TUSC3: variants seen among roughly 807,000 people sequenced by gnomAD.
TUSC3 encodes tumor suppressor candidate 3.
A neutral mutation model predicts 44.8 loss-of-function variants in TUSC3; 45 were observed. The observed-to-expected ratio is 1.00, with a 90% CI of 0.79 to 1.29. The LOEUF is 1.29. Among genes scored for constraint, TUSC3 ranks in the 50% most tolerant of loss-of-function variants. TUSC3 has a pLI of 0.00. For synonymous variants in TUSC3, 212 were observed against 152.9 expected (o/e 1.39, Z -2.85); for missense variants, 519 against 437.9 (o/e 1.19, Z -1.65).
chr8:15,531,317 A>G (rs903586655), intron 2 of TUSC3, among the ~76,000 whole-genome samples: 4 of 152,110 alleles, frequency 2.6e-5, no homozygotes, highest in Non-Finnish European at 5.9e-5. Context: ...CTGGAGTACA[A>G]TGGTGGTCAT....
chr8:15,507,921 G>C (rs1407406119), intron 2 of TUSC3, among the ~76,000 whole-genome samples: 2 of 152,102 alleles, frequency 1.3e-5, no homozygotes, highest in Non-Finnish European at 2.9e-5. Context: ...GGTAAAACTT[G>C]AGCCAAAATA....
chr8:15,703,266 A>G (rs563827748), intron 6 of TUSC3, among the ~76,000 whole-genome samples: 15 of 152,270 alleles, frequency 9.9e-5, no homozygotes, highest in South Asian at 6.2e-4. Flanking sequence ...CTAATTAATT[A>G]TAGATTATAA....
chr8:15,785,821 A>G, the TUSC3 span, among the ~76,000 whole-genome samples: 2 of 102,452 alleles, frequency 2.0e-5, no homozygotes, highest in East Asian at 7.7e-4. Flanking sequence ...AGGAAATGAA[A>G]AGAGCCAAAT....
chr8:15,839,148 G>A, the TUSC3 span, among the ~76,000 whole-genome samples: 1 of 152,020 alleles, frequency 6.6e-6, no homozygotes, highest in Non-Finnish European at 1.5e-5. Context: ...CTCATGATTT[G>A]GCTCTCTGTT....
At chr8:15,600,657 G>A (rs1171133474) in intron 1 of TUSC3, among the ~76,000 whole-genome samples, 4 of 151,680 alleles carry the variant, frequency 2.6e-5, no homozygotes, top group Non-Finnish European at 3.0e-5. Flanking sequence ...ACTCAGTAAT[G>A]GTTATAAGAT....
intron 2 of TUSC3, among the ~76,000 whole-genome samples, chr8:15,523,622 TA>T (rs1200886238): frequency 7.0e-6 from 1 of 143,158 alleles, no homozygotes; most frequent in African/African-American, 2.6e-5. Flanking sequence ...ATAATTGGCT[TA>T]AAAATCCTTT....
chr8:15,504,611 ATATATATATATTTTTTT>A (rs1230460017), intron 2 of TUSC3, among the ~76,000 whole-genome samples: 46 of 22,296 alleles, frequency 2.1e-3, no homozygotes, highest in African/African-American at 0.01. Context: ...ATATATATAT[ATATATATATATTTTTTT>A]TTTTTTTTTT....
intron 1 of TUSC3, among the ~76,000 whole-genome samples, chr8:15,610,736 T>C (rs1804726013): frequency 6.6e-6 from 1 of 152,172 alleles, no homozygotes; most frequent in South Asian, 2.1e-4. Flanking sequence ...GCAATTCCTA[T>C]ATTAGAGCGT....
the TUSC3 span, chr8:15,807,035 C>T: frequency 4.4e-4 from 630 of 1,429,242 alleles, 4 homozygotes; most frequent in African/African-American, 7.6e-3. Flanking sequence ...CCTGTAAATC[C>T]TGGTTATCGG....
At chr8:15,466,057 T>G (rs2129122388) in intron 1 of TUSC3, among the ~76,000 whole-genome samples, 1 of 152,296 alleles carries the variant, frequency 6.6e-6, no homozygotes. Flanking sequence ...TATATCCCGC[T>G]TTTTCTTCCT....
At chr8:15,781,015 T>A in the TUSC3 span, among the ~76,000 whole-genome samples, 1 of 152,224 alleles carries the variant, frequency 6.6e-6, no homozygotes, top group African/African-American at 2.4e-5. Flanking sequence ...GCCTGGCTTC[T>A]AACTAACTTG....
chr8:15,669,834 C>G (rs955417166), intron 5 of TUSC3, among the ~76,000 whole-genome samples: 11 of 151,388 alleles, frequency 7.3e-5, no homozygotes, highest in African/African-American at 2.7e-4. Flanking sequence ...TGCATTAAGA[C>G]CAAAACAAAA....
chr8:15,587,907 A>T (rs1476958299), intron 1 of TUSC3, among the ~76,000 whole-genome samples: 1 of 152,262 alleles, frequency 6.6e-6, no homozygotes, highest in Non-Finnish European at 1.5e-5. Flanking sequence ...TTCATCTTTA[A>T]TAGCTAAATA....
intron 5 of TUSC3, among the ~76,000 whole-genome samples, chr8:15,667,413 T>C (rs1240762094): frequency 6.6e-6 from 1 of 151,730 alleles, no homozygotes; most frequent in Non-Finnish European, 1.5e-5. Context: ...AGAAATGCAG[T>C]GTATAAATTC....
chr8:15,671,175 T>C lies in TUSC3; in HGVS notation c.709-2572T>C, dbSNP rs187434140. On this transcript the variant is annotated intron_variant, in intron 5 of 10. Coordinates refer to ENST00000503731, the MANE Select transcript of TUSC3 (RefSeq NM_006765.4). Reference sequence around the variant, plus strand: ...TTACATACTCTGTGATACAGAATTTTCAAGAAAATGTTTCTTACCTTGGGC... The same window carrying C: ...TTACATACTCTGTGATACAGAATTTCCAAGAAAATGTTTCTTACCTTGGGC... Among the ~76,000 whole-genome samples, 72 of 152,124 alleles carry C rather than the reference T, an allele frequency of 4.7e-4. No homozygotes were observed. The East Asian group carries it at 0.012, about 26-fold the overall frequency.
At chr8:15,472,439 C>T (rs553099025) in intron 1 of TUSC3, among the ~76,000 whole-genome samples, 1 of 152,124 alleles carries the variant, frequency 6.6e-6, no homozygotes, top group East Asian at 1.9e-4. Context: ...AATCATTTTG[C>T]AGGTGACTTT....
intron 1 of TUSC3, among the ~76,000 whole-genome samples, chr8:15,591,457 C>T (rs1008688681): frequency 6.6e-6 from 1 of 152,038 alleles, no homozygotes; most frequent in Non-Finnish European, 1.5e-5. Context: ...ATGCAACAGG[C>T]AATGTACAAA....
At chr8:15,585,070 G>A (rs1012177515) in intron 1 of TUSC3, among the ~76,000 whole-genome samples, 2 of 152,176 alleles carry the variant, frequency 1.3e-5, no homozygotes, top group African/African-American at 4.8e-5. Flanking sequence ...TCATGGTTAT[G>A]AAAGTATTAC....
chr8:15,542,813 G>C (rs1305440525), intron 1 of TUSC3, among the ~76,000 whole-genome samples: 2 of 152,208 alleles, frequency 1.3e-5, no homozygotes, highest in African/African-American at 4.8e-5. Flanking sequence ...AGGAGCACTT[G>C]ATTTCACTGT....
Sources: gnomAD v4.1 joint callset for allele counts (sites outside exome capture counted in the v4.1 genomes callset) on GRCh38, gnomAD v4.1.1 for gene constraint, MANE v1.5 for transcripts, NCBI Gene and HGNC (gene_info 2026-07-23, HGNC 2026-07-21) for gene names.